Variants in PRMT3 observed in about 807,000 individuals in gnomAD.
The protein encoded by PRMT3 is protein arginine methyltransferase 3.
Under a neutral mutation model 71.9 loss-of-function variants are expected in PRMT3, and 62 were observed. The observed-to-expected ratio is 0.86, with a 90% CI of 0.70 to 1.07. The LOEUF (loss-of-function observed/expected upper bound fraction) is 1.07, where lower values mean the gene tolerates loss of function less well. Ranked by LOEUF, PRMT3 falls within the 50% of genes least tolerant of loss-of-function variation. PRMT3 has a pLI of 0.00. For missense variants in PRMT3, 663 were observed against 643.0 expected (o/e 1.03, Z -0.34); for synonymous variants, 213 against 220.4 (o/e 0.97, Z 0.30).
At position 20,402,979 on chromosome 11, in the gene PRMT3, G is replaced by C. The variant is rs760524903; in HGVS notation, c.766G>C (p.Asp256His). The change falls in exon 8 of 16, where the codon GAC becomes CAC. Residue 256 changes from aspartate (D) to histidine (H), a missense_variant. Coordinates refer to ENST00000331079, the MANE Select transcript of PRMT3 (RefSeq NM_005788.4). The part of the protein sequence containing the change: ...FIYQNPHIFK[D>H]KVVLDVGCGT... ...ATACCAAAATCCACATATCTTCAAA[G>C]ACAAGGTAAGTAGTATAGGTTATAG... 1 of 1,586,918 alleles carries C rather than the reference G, an allele frequency of 6.3e-7. No homozygotes were observed. Among genetic ancestry groups the C allele is most frequent in the Non-Finnish European group, 8.7e-7 (1 of 1,155,536 alleles).
chr11:20,396,040 A>AGAACATT, intron 6 of PRMT3, 78 bp downstream of exon 6: 1 of 1,317,032 alleles, frequency 7.6e-7, no homozygotes, highest in South Asian at 1.4e-5. Flanking sequence ...AGAATATAGT[A>AGAACATT]GAACATTTCA....
At chr11:20,394,137 A>G (rs1056643839) in intron 5 of PRMT3, among the ~76,000 whole-genome samples, 1 of 152,246 alleles carries the variant, frequency 6.6e-6, no homozygotes, top group African/African-American at 2.4e-5. Flanking sequence ...AAAAATGAAT[A>G]GGAATTTTTA....
chr11:20,400,276 C>G (rs754919365), intron 7 of PRMT3, among the ~76,000 whole-genome samples: 1 of 152,052 alleles, frequency 6.6e-6, no homozygotes, highest in East Asian at 1.9e-4. Context: ...GGCTTCATGT[C>G]TTTCCATGAC....
intron 15 of PRMT3, among the ~76,000 whole-genome samples, chr11:20,496,706 A>G (rs1354458320): frequency 6.6e-6 from 1 of 152,130 alleles, no homozygotes; most frequent in Admixed American, 6.5e-5. Flanking sequence ...AGATTTTACA[A>G]AGCTGAGTGG....
chr11:20,428,267 G>C (rs1849588523), intron 10 of PRMT3, among the ~76,000 whole-genome samples: 1 of 152,038 alleles, frequency 6.6e-6, no homozygotes, highest in Non-Finnish European at 1.5e-5. Context: ...GCACATTTGA[G>C]GCATATAGAC....
chr11:20,425,605 C>T (rs1849529290), intron 9 of PRMT3, among the ~76,000 whole-genome samples: 1 of 152,108 alleles, frequency 6.6e-6, no homozygotes, highest in Non-Finnish European at 1.5e-5. Context: ...CAAAAGCATA[C>T]ATGAAACTAA....
At chr11:20,441,381 C>T in intron 10 of PRMT3, among the ~76,000 whole-genome samples, 1 of 151,796 alleles carries the variant, frequency 6.6e-6, no homozygotes, top group East Asian at 1.9e-4. Context: ...TCTCGGCTCA[C>T]TGCAAGCTCC....
chr11:20,442,557 C>G (rs1222380862), intron 10 of PRMT3, among the ~76,000 whole-genome samples: 1 of 151,950 alleles, frequency 6.6e-6, no homozygotes. Context: ...TTGTTCTATA[C>G]TTTGCTTTTA....
intron 10 of PRMT3, among the ~76,000 whole-genome samples, chr11:20,436,426 G>C (rs1590062632): frequency 6.6e-6 from 1 of 152,164 alleles, no homozygotes; most frequent in East Asian, 1.9e-4. Flanking sequence ...TTGTGGGTTT[G>C]TCATTGATGG....
chr11:20,453,318 T>TAAAAA (rs35130616), intron 11 of PRMT3, among the ~76,000 whole-genome samples: 14 of 96,790 alleles, frequency 1.4e-4, no homozygotes, highest in Admixed American at 3.4e-4. Context: ...CCGTCTTTAC[T>TAAAAA]AAAAAAAAAA....
chr11:20,506,037 C>CT (rs1373139811), intron 15 of PRMT3, among the ~76,000 whole-genome samples: 1 of 152,136 alleles, frequency 6.6e-6, no homozygotes, highest in Non-Finnish European at 1.5e-5. Flanking sequence ...AATCCTAGTT[C>CT]TTTCACTAGC....
At chr11:20,407,869 G>C (rs1849105283) in intron 8 of PRMT3, 42 bp from the exon 9 acceptor site, 2 of 1,542,884 alleles carry the variant, frequency 1.3e-6, no homozygotes, top group African/African-American at 2.8e-5. Flanking sequence ...AGACCTTTTT[G>C]ATAACATCTG....
chr11:20,430,501 A>G (rs1284315323), intron 10 of PRMT3, among the ~76,000 whole-genome samples: 1 of 152,206 alleles, frequency 6.6e-6, no homozygotes, highest in African/African-American at 2.4e-5. Flanking sequence ...TTAGCATGTT[A>G]TTTAATAAAC....
chr11:20,397,530 A>G lies in PRMT3; in HGVS notation c.561-47A>G, dbSNP rs774605357. ...TCAACCTCTAGCCTTTCCTTTATTC[A>G]TGGTCCAATAAACCTGTCTCAAGGG... On this transcript the variant is annotated intron_variant, in intron 6 of 15. Transcript: ENST00000331079. 14 of 1,596,828 alleles carry G rather than the reference A, an allele frequency of 8.8e-6. No individual in the cohort carries two copies. The Middle Eastern group carries it at 5.0e-4, about 57-fold the overall frequency.
At chr11:20,418,610 A>T (rs1590049439) in intron 9 of PRMT3, among the ~76,000 whole-genome samples, 1 of 152,166 alleles carries the variant, frequency 6.6e-6, no homozygotes. Context: ...TTCTGAAGAT[A>T]TTTTTAAGCA....
chr11:20,489,318 C>T (rs736283), intron 13 of PRMT3, among the ~76,000 whole-genome samples: 124,033 of 151,848 alleles, frequency 0.82, 51,581 homozygotes, highest in Non-Finnish European at 0.91. Context: ...ATGCTTTTTT[C>T]CCCCTCAGCA....
At chr11:20,420,582 G>C (rs766565211) in intron 9 of PRMT3, among the ~76,000 whole-genome samples, 1 of 152,146 alleles carries the variant, frequency 6.6e-6, no homozygotes, top group Non-Finnish European at 1.5e-5. Context: ...GAGGGATCTA[G>C]GTCGTGCATT....
intron 13 of PRMT3, among the ~76,000 whole-genome samples, chr11:20,465,707 A>G (rs1850496462): frequency 6.6e-6 from 1 of 152,044 alleles, no homozygotes; most frequent in Admixed American, 6.5e-5. Flanking sequence ...TCCAGATTAA[A>G]GTTTAAATAT....
In PRMT3 at chr11:20,473,954, C is replaced by T. The variant is rs1850715788; in HGVS notation, c.1347+9408C>T. On this transcript the variant is annotated intron_variant, in intron 13 of 15. Coordinates refer to ENST00000331079, the MANE Select transcript of PRMT3 (RefSeq NM_005788.4). ...TTGTTTTCGGTTTTTAACAGTAGGT[C>T]CATTCCAGACCCTAGTTGCCTCAGT... Among the ~76,000 whole-genome samples, 4 of 152,016 alleles carry T rather than the reference C, an allele frequency of 2.6e-5. 1 individual carries two copies. Among genetic ancestry groups the T allele is most frequent in the Admixed American group, 2.6e-4 (4 of 15,262 alleles).
Sources: allele counts gnomAD v4.1 joint callset (sites outside exome capture counted in the v4.1 genomes callset), GRCh38; gene constraint gnomAD v4.1.1; transcripts MANE v1.5; gene names NCBI Gene and HGNC (gene_info 2026-07-23, HGNC 2026-07-21).